Variants in MEIS2 observed in about 807,000 individuals in gnomAD.
MEIS2 encodes the protein homeobox protein Meis2.
MEIS2 carries 9 observed loss-of-function variants against 58.6 expected under a neutral mutation model. That is an observed-to-expected ratio of 0.15 (90% CI 0.09 to 0.27). The LOEUF is 0.27. MEIS2 is among the 10% of genes least tolerant of loss of function. The pLI, the probability that MEIS2 is intolerant of heterozygous loss-of-function variation, is 1.00. For missense variants in MEIS2, 427 were observed against 635.0 expected (o/e 0.67, Z 3.52); for synonymous variants, 221 against 228.4 (o/e 0.97, Z 0.29).
Position 36,972,432 on chromosome 15 carries a change from G to A in MEIS2, c.901-22032C>T, listed in dbSNP as rs891137276. Among the ~76,000 whole-genome samples the A allele has an allele frequency of 1.1e-4, 17 of 152,080 alleles. No homozygotes were observed. The East Asian group carries it at 1.4e-3, about 12-fold the overall frequency. ...TTTCCATTATTTTCAGGCTGAAGAC[G>A]AAAATGTTTATCATGGCCTTCAAGG... is the stretch of plus-strand genomic sequence containing the variant. On this transcript the variant is annotated intron_variant, in intron 8 of 11. Coordinates refer to ENST00000561208, the MANE Select transcript of MEIS2 (RefSeq NM_170675.5).
intron 8 of MEIS2, among the ~76,000 whole-genome samples, chr15:36,997,050 A>C (rs1240989324): frequency 2.0e-5 from 3 of 152,216 alleles, no homozygotes; most frequent in African/African-American, 7.2e-5. Flanking sequence ...GTTCAGGGTA[A>C]AAAGCATTGT....
chr15:37,083,946 C>A, intron 6 of MEIS2, 61 bp from the exon 7 acceptor site: 1 of 1,462,050 alleles, frequency 6.8e-7, no homozygotes, highest in South Asian at 1.1e-5. Flanking sequence ...AATGAAGAAC[C>A]AAAAGGAACG....
At chr15:37,017,692 C>A (rs1414409437) in intron 8 of MEIS2, among the ~76,000 whole-genome samples, 1 of 152,102 alleles carries the variant, frequency 6.6e-6, no homozygotes, top group Non-Finnish European at 1.5e-5. Flanking sequence ...AAGAGATAGA[C>A]CAACCACAGC....
intron 9 of MEIS2, among the ~76,000 whole-genome samples, chr15:36,929,365 A>G (rs1258003937): frequency 6.6e-6 from 1 of 152,214 alleles, no homozygotes; most frequent in Non-Finnish European, 1.5e-5. Flanking sequence ...ACCTGTGGGT[A>G]TGGAGTATAA....
intron 9 of MEIS2, among the ~76,000 whole-genome samples, chr15:36,921,420 T>C (rs1465338933): frequency 6.6e-6 from 1 of 152,230 alleles, no homozygotes; most frequent in East Asian, 1.9e-4. Flanking sequence ...GTTTTCCTGA[T>C]ACCGTATGCT....
intron 8 of MEIS2, among the ~76,000 whole-genome samples, chr15:36,978,128 T>C (rs1272500331): frequency 6.6e-6 from 1 of 152,254 alleles, no homozygotes; most frequent in Non-Finnish European, 1.5e-5. Flanking sequence ...AACAAAAATT[T>C]CTTAACAATT....
chr15:36,920,118 T>TTTTA (rs199959581), intron 9 of MEIS2, among the ~76,000 whole-genome samples: 7,414 of 134,520 alleles, frequency 0.055, 242 homozygotes, highest in African/African-American at 0.097. Context: ...CCTATACTGC[T>TTTTA]TTTATTTATT....
intron 9 of MEIS2, among the ~76,000 whole-genome samples, chr15:36,912,758 T>C (rs745870208): frequency 2.6e-5 from 4 of 151,862 alleles, no homozygotes; most frequent in Non-Finnish European, 5.9e-5. Flanking sequence ...GAATGCAAAC[T>C]TTATTTCTTC....
intron 8 of MEIS2, among the ~76,000 whole-genome samples, chr15:36,954,559 A>G (rs1438617793): frequency 1.3e-5 from 2 of 151,424 alleles, no homozygotes; most frequent in Non-Finnish European, 2.9e-5. Flanking sequence ...TTTTTTATAC[A>G]ATGAGATATT....
At chr15:37,074,555 A>G (rs1891122188) in intron 7 of MEIS2, among the ~76,000 whole-genome samples, 1 of 152,114 alleles carries the variant, frequency 6.6e-6, no homozygotes, top group East Asian at 1.9e-4. Context: ...ACAGGTGAGC[A>G]AAAGTCCAAA....
At position 36,890,323 on chromosome 15, in the gene MEIS2, A is replaced by G; in HGVS notation, c.*1850T>C. The G allele has an allele frequency of 6.6e-6, 1 of 152,216 alleles. No individual in the cohort carries two copies. Among genetic ancestry groups the G allele is most frequent in the Non-Finnish European group, 1.5e-5 (1 of 68,034 alleles). The allele number at this position is 152,216 out of a possible 1,614,324, so 9.4% of individuals were successfully genotyped here. A position where few individuals can be genotyped will look rare whatever the true frequency, so the allele number is the denominator to read the frequency against. ...TGTGCAGTATCAATAAGCTAATGGTATAGATTTCCAGGAATGTTGCATAAA... is the reference window on the plus strand; with the variant it reads ...TGTGCAGTATCAATAAGCTAATGGTGTAGATTTCCAGGAATGTTGCATAAA... On this transcript the variant is annotated 3_prime_UTR_variant, in exon 12 of 12. Transcript: ENST00000561208.
chr15:37,095,319 GC>G (rs1894090987), intron 4 of MEIS2, among the ~76,000 whole-genome samples: 1 of 152,158 alleles, frequency 6.6e-6, no homozygotes, highest in African/African-American at 2.4e-5. Flanking sequence ...AACATCCCCT[GC>G]TCGCGCTCTC....
chr15:36,921,152 A>C (rs1291302317), intron 9 of MEIS2, among the ~76,000 whole-genome samples: 1 of 152,164 alleles, frequency 6.6e-6, no homozygotes, highest in Non-Finnish European at 1.5e-5. Context: ...CCTTGGATAA[A>C]TTTTTAATGA....
intron 8 of MEIS2, among the ~76,000 whole-genome samples, chr15:36,996,792 C>T (rs187981367): frequency 2.1e-4 from 32 of 152,274 alleles, no homozygotes; most frequent in Non-Finnish European, 3.4e-4. Flanking sequence ...AAGGCCAAGA[C>T]CTAAACTGCA....
chr15:36,954,088 G>T (rs1233605477), intron 8 of MEIS2, among the ~76,000 whole-genome samples: 1 of 152,084 alleles, frequency 6.6e-6, no homozygotes, highest in Non-Finnish European at 1.5e-5. Context: ...AATTAGATAT[G>T]TACAATGAAT....
intron 11 of MEIS2, chr15:36,894,826 A>G (rs1393430239): frequency 6.3e-7 from 1 of 1,592,960 alleles, no homozygotes. Context: ...GAAAGGAGAT[A>G]AAATCCAAGA....
Position 36,951,244 on chromosome 15 carries a change from C to T in MEIS2, c.901-844G>A, listed in dbSNP as rs373656856. On this transcript the variant is annotated intron_variant, in intron 8 of 11. Coordinates refer to ENST00000561208, the MANE Select transcript of MEIS2 (RefSeq NM_170675.5). The stretch of plus-strand genomic sequence containing the variant: ...TAAAATCAAGGATTGTTAGTTTAGA[C>T]CCATACCTTTATTTTAAAAGACACT... Among the ~76,000 whole-genome samples, 7 of 152,202 alleles carry T rather than the reference C, an allele frequency of 4.6e-5. No individual in the cohort carries two copies. In the East Asian group the frequency reaches 7.7e-4, roughly 17 times the overall value.
At chr15:36,953,701 G>A (rs1392696565) in intron 8 of MEIS2, among the ~76,000 whole-genome samples, 1 of 152,160 alleles carries the variant, frequency 6.6e-6, no homozygotes, top group Non-Finnish European at 1.5e-5. Context: ...ACTGACAACT[G>A]TTCAAAAAGC....
chr15:36,988,154 A>C (rs1448332084), intron 8 of MEIS2, among the ~76,000 whole-genome samples: 1 of 152,230 alleles, frequency 6.6e-6, no homozygotes, highest in Non-Finnish European at 1.5e-5. Flanking sequence ...TAAGAAAAGA[A>C]AGGCAACTAT....
Sources: allele counts gnomAD v4.1 joint callset (sites outside exome capture counted in the v4.1 genomes callset), GRCh38; gene constraint gnomAD v4.1.1; transcripts MANE v1.5; gene names NCBI Gene and HGNC (gene_info 2026-07-23, HGNC 2026-07-21).